The following AMOTL1 variants were observed in gnomAD, a reference collection of about 807,000 sequenced individuals.
The protein encoded by AMOTL1 is angiomotin-like protein 1.
AMOTL1 carries 45 observed loss-of-function variants against 102.9 expected under a neutral mutation model. The ratio of observed to expected loss-of-function variants is 0.44; its 90% confidence interval spans 0.34 to 0.56. AMOTL1 has a LOEUF of 0.56. AMOTL1 is among the 20% of genes least tolerant of loss of function. AMOTL1 has a pLI of 0.01. For missense variants in AMOTL1, 1,114 were observed against 1,225.6 expected, an observed-to-expected ratio of 0.91 and a Z score of 1.36; for synonymous variants, 481 against 484.7, an observed-to-expected ratio of 0.99 and a Z score of 0.10.
At chr11:94,772,717 C>T (rs978254659) in intron 1 of AMOTL1, among the ~76,000 whole-genome samples, 4 of 152,124 alleles carry the variant, frequency 2.6e-5, no homozygotes, top group Non-Finnish European at 4.4e-5. Context: ...ATTTCTCTGG[C>T]GTAAATGCCC....
intron 8 of AMOTL1, among the ~76,000 whole-genome samples, chr11:94,857,328 A>T (rs182828): frequency 0.14 from 21,327 of 152,190 alleles, 3,291 homozygotes; most frequent in African/African-American, 0.38. Flanking sequence ...ATTCGTAGGT[A>T]CCCTCTCCCA....
At chr11:94,832,080 T>A (rs1286685173) in intron 6 of AMOTL1, among the ~76,000 whole-genome samples, 1 of 152,216 alleles carries the variant, frequency 6.6e-6, no homozygotes, top group Non-Finnish European at 1.5e-5. Context: ...AAGCCTTGAT[T>A]TATTGGGAGA....
At chr11:94,840,677 T>TAC (rs1219610889) in intron 6 of AMOTL1, among the ~76,000 whole-genome samples, 3 of 128,016 alleles carry the variant, frequency 2.3e-5, no homozygotes, top group Non-Finnish European at 3.2e-5. Context: ...TATATATATA[T>TAC]ATATACACAC....
At chr11:94,709,338 T>C (rs1949983621) in intron 1 of AMOTL1, among the ~76,000 whole-genome samples, 1 of 150,488 alleles carries the variant, frequency 6.6e-6, no homozygotes, top group Admixed American at 6.7e-5. Flanking sequence ...TGTAGAGTCA[T>C]GTGCTAGTAA....
rs1452480705 is a variant in AMOTL1, at chr11:94,854,153, A to G, written c.1944+71A>G. The G allele has an allele frequency of 2.8e-6, 4 of 1,450,166 alleles. No individual in the cohort carries two copies. The East Asian group carries it at 7.6e-5, about 27-fold the overall frequency. 89.8% of individuals were successfully genotyped at this position (1,450,166 alleles called of 1,614,324 possible). ...TCAGCAAACGTATGGATGTTCTACC[A>G]TGGGCCAGATCCTGCACCTTGCTCC... On this transcript the variant is annotated intron_variant, in intron 8 of 12. Transcript: ENST00000433060.
upstream of AMOTL1, among the ~76,000 whole-genome samples, chr11:94,763,414 G>A (rs918764737): frequency 2.0e-5 from 3 of 152,230 alleles, no homozygotes. Flanking sequence ...GTGTGAAAAA[G>A]CTTATTTGAG....
chr11:94,827,075 T>G (rs1951981601), intron 4 of AMOTL1, among the ~76,000 whole-genome samples: 1 of 152,174 alleles, frequency 6.6e-6, no homozygotes, highest in Non-Finnish European at 1.5e-5. Flanking sequence ...AGTTATACAT[T>G]TAAAGATTAA....
At chr11:94,707,328 A>G (rs1338714517) in intron 1 of AMOTL1, among the ~76,000 whole-genome samples, 1 of 150,500 alleles carries the variant, frequency 6.6e-6, no homozygotes, top group Non-Finnish European at 1.5e-5. Flanking sequence ...ATCTCCCTGC[A>G]ACACTTCCTA....
intron 3 of AMOTL1, among the ~76,000 whole-genome samples, chr11:94,820,664 T>C (rs1349876407): frequency 6.6e-6 from 1 of 152,192 alleles, no homozygotes; most frequent in African/African-American, 2.4e-5. Context: ...TAATATATGA[T>C]GAAATAATTA....
intron 3 of AMOTL1, among the ~76,000 whole-genome samples, chr11:94,754,213 A>T (rs1410995297): frequency 6.6e-6 from 1 of 152,198 alleles, no homozygotes; most frequent in African/African-American, 2.4e-5. Context: ...ACCCCAGAGA[A>T]GAGGAACCCG....
chr11:94,737,156 T>G (rs1006133166), intron 2 of AMOTL1, among the ~76,000 whole-genome samples: 1 of 152,232 alleles, frequency 6.6e-6, no homozygotes, highest in African/African-American at 2.4e-5. Context: ...TGAAGGCAAG[T>G]CCATTGTGAG....
chr11:94,835,969 T>A (rs951135378), intron 6 of AMOTL1, among the ~76,000 whole-genome samples: 1 of 152,242 alleles, frequency 6.6e-6, no homozygotes, highest in African/African-American at 2.4e-5. Context: ...AAATAATAAT[T>A]TGCTGTTTTC....
intron 3 of AMOTL1, among the ~76,000 whole-genome samples, chr11:94,802,279 A>G (rs1353105421): frequency 6.6e-6 from 1 of 152,198 alleles, no homozygotes; most frequent in Admixed American, 6.5e-5. Flanking sequence ...CAGTTGTTTA[A>G]AATAAGCCAT....
At chr11:94,786,287 G>A (rs746943376) in intron 1 of AMOTL1, among the ~76,000 whole-genome samples, 12 of 152,182 alleles carry the variant, frequency 7.9e-5, no homozygotes, top group Non-Finnish European at 1.3e-4. Flanking sequence ...TGTAGAGAAA[G>A]CCTTTTTATT....
At chr11:94,740,674 C>A (rs1004905741) in intron 2 of AMOTL1, among the ~76,000 whole-genome samples, 1 of 151,860 alleles carries the variant, frequency 6.6e-6, no homozygotes, top group Non-Finnish European at 1.5e-5. Context: ...CGGGGTGGCA[C>A]GCGGGGAAAG....
intron 3 of AMOTL1, among the ~76,000 whole-genome samples, chr11:94,763,290 A>C (rs1950816860): frequency 6.6e-6 from 1 of 152,084 alleles, no homozygotes; most frequent in Non-Finnish European, 1.5e-5. Context: ...TCCTTACGAC[A>C]ATGTACACTC....
chr11:94,727,805 C>G (rs944377070), intron 1 of AMOTL1, among the ~76,000 whole-genome samples: 5 of 152,066 alleles, frequency 3.3e-5, no homozygotes, highest in African/African-American at 1.2e-4. Flanking sequence ...GAAGCAGTAC[C>G]CAATAAAGTG....
At chr11:94,824,985 C>T (rs931707801) in intron 4 of AMOTL1, among the ~76,000 whole-genome samples, 1 of 152,166 alleles carries the variant, frequency 6.6e-6, no homozygotes, top group Admixed American at 6.5e-5. Context: ...ATATGAAGAT[C>T]CTGTTTCCAA....
chr11:94,832,213 T>G (rs568534093), intron 6 of AMOTL1, among the ~76,000 whole-genome samples: 20 of 152,340 alleles, frequency 1.3e-4, no homozygotes, highest in African/African-American at 4.6e-4. Context: ...TCCAACTGTC[T>G]TTTTTTAAGC....
Sources: gnomAD v4.1 joint callset for allele counts (sites outside exome capture counted in the v4.1 genomes callset) on GRCh38, gnomAD v4.1.1 for gene constraint, MANE v1.5 for transcripts, NCBI Gene and HGNC (gene_info 2026-07-23, HGNC 2026-07-21) for gene names.